IQGAP2: variants seen among roughly 807,000 people sequenced by gnomAD.
IQGAP2 encodes IQ motif containing GTPase activating protein 2, also known as ras GTPase-activating-like protein IQGAP2.
Under a neutral mutation model 201.3 loss-of-function variants are expected in IQGAP2, and 173 were observed. The observed-to-expected ratio is 0.86, with a 90% CI of 0.76 to 0.98. The LOEUF is 0.98. Ranked by LOEUF, IQGAP2 falls within the 50% of genes least tolerant of loss-of-function variation. IQGAP2 has a pLI of 0.00. For missense variants in IQGAP2, 1,687 were observed against 1,864.8 expected, an observed-to-expected ratio of 0.90 and a Z score of 1.76; for synonymous variants, 675 against 673.9, an observed-to-expected ratio of 1.00 and a Z score of -0.03.
intron 2 of IQGAP2, among the ~76,000 whole-genome samples, chr5:76,469,839 G>A (rs779860329): frequency 1.3e-5 from 2 of 152,108 alleles, no homozygotes; most frequent in Non-Finnish European, 2.9e-5. Flanking sequence ...AGTGGAGAGT[G>A]AATCACTTCT....
At chr5:76,672,990 G>A (rs1744484320) in intron 24 of IQGAP2, among the ~76,000 whole-genome samples, 1 of 151,576 alleles carries the variant, frequency 6.6e-6, no homozygotes, top group Non-Finnish European at 1.5e-5. Flanking sequence ...CACCAGCATG[G>A]CACATGTATA....
At chr5:76,563,523 A>G (rs890940857) in intron 3 of IQGAP2, among the ~76,000 whole-genome samples, 1 of 152,192 alleles carries the variant, frequency 6.6e-6, no homozygotes, top group Non-Finnish European at 1.5e-5. Flanking sequence ...TATTCTGTCT[A>G]CTTTTTTACA....
chr5:76,479,682 C>T (rs1381484797), intron 2 of IQGAP2, among the ~76,000 whole-genome samples: 1 of 152,118 alleles, frequency 6.6e-6, no homozygotes, highest in Non-Finnish European at 1.5e-5. Flanking sequence ...GCAAATGGAG[C>T]CCCTCAACCC....
chr5:76,624,484 A>G (rs1750037927), intron 13 of IQGAP2: 1 of 152,220 alleles, frequency 6.6e-6, no homozygotes, highest in Admixed American at 6.5e-5. Flanking sequence ...ATTTTTACAA[A>G]GGTCAGTGTT....
rs139550990 is a variant in IQGAP2 at position 76,415,313 on chromosome 5, A to G, written c.46+11722A>G. ...TCCCCACTGTCTGGTACATAGGTCA[A>G]CATGGCAGCAGTGATTCTGTGTAGG... On this transcript the variant is annotated intron_variant, in intron 1 of 35. Transcript: ENST00000274364. 3.3e-5 allele frequency among the ~76,000 whole-genome samples: 5 copies of G among 152,368 alleles called. No individual in the cohort carries two copies. In the East Asian group the frequency reaches 9.6e-4, roughly 29 times the overall value.
At chr5:76,451,603 G>T (rs935845859) in intron 1 of IQGAP2, among the ~76,000 whole-genome samples, 1 of 152,200 alleles carries the variant, frequency 6.6e-6, no homozygotes, top group Admixed American at 6.5e-5. Context: ...AATATTCATT[G>T]TACATTTTGA....
chr5:76,595,766 GAA>G (rs1491205075), intron 9 of IQGAP2, among the ~76,000 whole-genome samples: 26 of 137,926 alleles, frequency 1.9e-4, no homozygotes, highest in African/African-American at 7.4e-4. Context: ...CTCAAAAAAA[GAA>G]AGAGAGAGAG....
intron 13 of IQGAP2, among the ~76,000 whole-genome samples, chr5:76,621,694 C>T (rs3797397): frequency 2.0e-5 from 3 of 152,274 alleles, no homozygotes; most frequent in African/African-American, 4.8e-5. Flanking sequence ...TTCCATTTTC[C>T]GTGAGAATGC....
chr5:76,565,149 C>T (rs932003498), intron 3 of IQGAP2, among the ~76,000 whole-genome samples: 2 of 152,136 alleles, frequency 1.3e-5, no homozygotes, highest in African/African-American at 2.4e-5. Context: ...TTGTGTTCTT[C>T]AGGACTGAAG....
intron 1 of IQGAP2, among the ~76,000 whole-genome samples, chr5:76,412,612 T>TA (rs1367628387): frequency 1.3e-5 from 2 of 152,244 alleles, no homozygotes; most frequent in African/African-American, 4.8e-5. Context: ...TTCACATACT[T>TA]ATGCCTAGAT....
chr5:76,571,099 A>T (rs77261112), intron 4 of IQGAP2, among the ~76,000 whole-genome samples: 9 of 110,682 alleles, frequency 8.1e-5, no homozygotes, highest in African/African-American at 3.5e-4. Context: ...TGTCTCTATT[A>T]AAAAAAAAAA....
At chr5:76,617,957 G>C in intron 13 of IQGAP2, 1 of 1,614,142 alleles carries the variant, frequency 6.2e-7, no homozygotes, top group Non-Finnish European at 8.5e-7. Context: ...ACTCGCAAGT[G>C]TTGTGAACAT....
intron 15 of IQGAP2, among the ~76,000 whole-genome samples, chr5:76,636,511 T>C (rs540620971): frequency 6.6e-6 from 1 of 152,340 alleles, no homozygotes; most frequent in South Asian, 2.1e-4. Flanking sequence ...TAGTTGACCT[T>C]TGTGTTGTGC....
chr5:76,605,025 G>A (rs965189196), intron 11 of IQGAP2, among the ~76,000 whole-genome samples: 1 of 152,000 alleles, frequency 6.6e-6, no homozygotes, highest in East Asian at 1.9e-4. Flanking sequence ...AAACTGCAGA[G>A]TGACTCATTA....
intron 17 of IQGAP2, among the ~76,000 whole-genome samples, 194 bp downstream of exon 17, chr5:76,641,297 T>C (rs1751562229): frequency 1.3e-5 from 2 of 152,206 alleles, no homozygotes; most frequent in South Asian, 2.1e-4. Context: ...TGACTTAACC[T>C]ATGGTCTTCT....
intron 2 of IQGAP2, among the ~76,000 whole-genome samples, chr5:76,538,467 G>T (rs1222630431): frequency 1.3e-5 from 2 of 152,164 alleles, no homozygotes; most frequent in African/African-American, 4.8e-5. Flanking sequence ...GGCCATGAGG[G>T]ACCCAGAGCT....
At chr5:76,493,212 C>T (rs1025678719) in intron 2 of IQGAP2, among the ~76,000 whole-genome samples, 2 of 152,088 alleles carry the variant, frequency 1.3e-5, no homozygotes, top group Admixed American at 1.3e-4. Context: ...CCCACACTCA[C>T]GGTGGCTCTC....
At chr5:76,544,974 TATATGTAC>T in intron 2 of IQGAP2, among the ~76,000 whole-genome samples, 1 of 152,036 alleles carries the variant, frequency 6.6e-6, no homozygotes, top group Middle Eastern at 3.4e-3. Flanking sequence ...TATATATGTA[TATATGTAC>T]TATATGTAAA....
At position 76,679,052 on chromosome 5, in the gene IQGAP2, T is replaced by A. The variant is rs916576700; in HGVS notation, c.3660+1702T>A. On this transcript the variant is annotated intron_variant, in intron 28 of 35. Transcript: ENST00000274364. ...AATGCATTACTTACAGAAATAATTATCTACTGGACAGACTCATTTATATTT... is the reference window on the plus strand; with the variant it reads ...AATGCATTACTTACAGAAATAATTAACTACTGGACAGACTCATTTATATTT... Among the ~76,000 whole-genome samples, 4 of 152,220 alleles carry A rather than the reference T, an allele frequency of 2.6e-5. No homozygotes were observed. The East Asian group carries it at 7.7e-4, about 29-fold the overall frequency.
Sources: gnomAD v4.1 joint callset for allele counts (sites outside exome capture counted in the v4.1 genomes callset) on GRCh38, gnomAD v4.1.1 for gene constraint, MANE v1.5 for transcripts, NCBI Gene and HGNC (gene_info 2026-07-23, HGNC 2026-07-21) for gene names.